The following C1orf94 variants were observed in gnomAD, a reference collection of about 807,000 sequenced individuals.
C1orf94 encodes the protein uncharacterized protein C1orf94.
In C1orf94, 45 loss-of-function variants were observed where a neutral mutation model predicts 53.6. The ratio of observed to expected loss-of-function variants is 0.84; its 90% CI spans 0.66 to 1.08. The LOEUF is 1.08. Among genes scored for constraint, C1orf94 ranks in the 50% least tolerant of loss-of-function variants. C1orf94 has a pLI of 0.00. For missense variants in C1orf94, 762 were observed against 738.9 expected (o/e 1.03, Z -0.36); for synonymous variants, 304 against 296.1 (o/e 1.03, Z -0.27).
At chr1:34,204,742 A>G (rs1245583122) in intron 4 of C1orf94, among the ~76,000 whole-genome samples, 1 of 152,156 alleles carries the variant, frequency 6.6e-6, no homozygotes, top group Non-Finnish European at 1.5e-5. Flanking sequence ...TTCAAAGATG[A>G]CTAAAGTCAG....
intron 6 of C1orf94, among the ~76,000 whole-genome samples, chr1:34,218,380 G>A (rs957237008): frequency 2.0e-5 from 3 of 152,140 alleles, no homozygotes; most frequent in African/African-American, 7.2e-5. Flanking sequence ...TCCAGAGAGG[G>A]TCCCTGTTCT....
At chr1:34,184,988 T>C (rs941199655) in intron 1 of C1orf94, among the ~76,000 whole-genome samples, 4 of 152,154 alleles carry the variant, frequency 2.6e-5, no homozygotes, top group South Asian at 2.1e-4. Flanking sequence ...TTTTCTCCTC[T>C]TGGAGGGGTC....
upstream of C1orf94, among the ~76,000 whole-genome samples, chr1:34,172,372 T>C (rs1440444330): frequency 1.3e-5 from 2 of 152,246 alleles, no homozygotes; most frequent in African/African-American, 4.8e-5. Context: ...ATAATCATAA[T>C]TACACATTTC....
intron 1 of C1orf94, among the ~76,000 whole-genome samples, chr1:34,191,604 C>A (rs1308593629): frequency 6.6e-6 from 1 of 152,186 alleles, no homozygotes; most frequent in Non-Finnish European, 1.5e-5. Context: ...GACCCCAGAG[C>A]CCTCCACTTC....
At chr1:34,168,576 T>TG (rs1330683332) in intron 1 of C1orf94, among the ~76,000 whole-genome samples, 3 of 152,192 alleles carry the variant, frequency 2.0e-5, no homozygotes, top group Non-Finnish European at 2.9e-5. Context: ...ATAGACCCTG[T>TG]GGCTTAAAAA....
chr1:34,188,527 C>G (rs1642423695), intron 1 of C1orf94, among the ~76,000 whole-genome samples: 1 of 152,082 alleles, frequency 6.6e-6, no homozygotes, highest in African/African-American at 2.4e-5. Flanking sequence ...CCGTGATTCC[C>G]CTAATTGTAT....
intron 6 of C1orf94, among the ~76,000 whole-genome samples, chr1:34,216,752 T>G (rs1373372726): frequency 1.3e-5 from 2 of 152,166 alleles, no homozygotes; most frequent in Admixed American, 1.3e-4. Context: ...TTCCAAGCAA[T>G]AATAAATTTG....
In C1orf94 at chr1:34,202,275, T is replaced by C; in HGVS notation, c.1446+16T>C. The C allele has an allele frequency of 3.1e-6, 5 of 1,612,558 alleles. No homozygotes were observed. The highest frequency in any genetic ancestry group is 4.2e-6 in the Non-Finnish European group (5 of 1,179,250). On this transcript the variant is annotated intron_variant, in intron 4 of 6. Coordinates refer to ENST00000488417, the MANE Select transcript of C1orf94 (RefSeq NM_001134734.2). ...GCAGTATCAGGTCAGTGAGCTGGCC[T>C]GGCTCTCCTGTGGACATCCACGGGG...
chr1:34,217,109 C>A (rs1435858381), intron 6 of C1orf94, among the ~76,000 whole-genome samples: 1 of 152,020 alleles, frequency 6.6e-6, no homozygotes, highest in Non-Finnish European at 1.5e-5. Flanking sequence ...ATAATTATAC[C>A]AGAAATACCA....
intron 1 of C1orf94, among the ~76,000 whole-genome samples, chr1:34,168,692 C>T (rs1271644568): frequency 2.0e-5 from 3 of 152,198 alleles, no homozygotes; most frequent in Non-Finnish European, 2.9e-5. Context: ...TAGATGGCTG[C>T]CTTCTTCTCC....
chr1:34,173,081 C>T (rs1000137817), upstream of C1orf94, among the ~76,000 whole-genome samples: 1 of 152,188 alleles, frequency 6.6e-6, no homozygotes, highest in African/African-American at 2.4e-5. Context: ...CAGAGTATAA[C>T]ATTATGTCAA....
Position 34,200,837 on chromosome 1 carries a change from C to T in C1orf94, c.1075C>T (p.Gln359Ter). The change falls in exon 3 of 7, where the codon CAG becomes TAG. Residue 359 changes from glutamine to a stop codon, truncating the protein, a stop_gained. Transcript: ENST00000488417. LOFTEE classifies it high-confidence loss of function. Reference protein sequence around the residue: ...QGSLFLSQWPQSQKDACGEEG... With the variant: ...QGSLFLSQWP ...GAGCCTCTTTCTCAGCCAGTGGCCC[C>T]AGAGCCAGAAGGACGCCTGTGGTGA... 1 of 1,614,170 alleles carries T rather than the reference C, an allele frequency of 6.2e-7. No individual in the cohort carries two copies. The highest frequency in any genetic ancestry group is 8.5e-7 in the Non-Finnish European group (1 of 1,180,028).
At chr1:34,216,806 C>T (rs143868920) in intron 6 of C1orf94, among the ~76,000 whole-genome samples, 5 of 152,282 alleles carry the variant, frequency 3.3e-5, no homozygotes, top group Non-Finnish European at 7.4e-5. Flanking sequence ...AGGCCAGACA[C>T]GGTGGCTCAC....
chr1:34,174,950 T>C (rs1324562295), upstream of C1orf94, among the ~76,000 whole-genome samples: 1 of 152,224 alleles, frequency 6.6e-6, no homozygotes, highest in Non-Finnish European at 1.5e-5. Flanking sequence ...ACTAGCCATA[T>C]GTGGCTACTG....
intron 1 of C1orf94, among the ~76,000 whole-genome samples, chr1:34,193,852 A>G (rs530900379): frequency 4.7e-4 from 71 of 152,388 alleles, no homozygotes; most frequent in Admixed American, 7.2e-4. Context: ...TTTCAAGGGC[A>G]CGTAGCAGGG....
chr1:34,209,092 G>A (rs1030850588), intron 5 of C1orf94, among the ~76,000 whole-genome samples: 2 of 152,098 alleles, frequency 1.3e-5, no homozygotes, highest in Admixed American at 6.5e-5. Context: ...GAACGTAACT[G>A]GGTGTCCTGT....
intron 1 of C1orf94, among the ~76,000 whole-genome samples, chr1:34,179,550 C>A (rs997687298): frequency 6.6e-6 from 1 of 152,230 alleles, no homozygotes; most frequent in African/African-American, 2.4e-5. Context: ...ACTGGTGCAC[C>A]TTTGGCCAGC....
At chr1:34,184,665 C>T (rs1180685050) in intron 1 of C1orf94, among the ~76,000 whole-genome samples, 1 of 152,162 alleles carries the variant, frequency 6.6e-6, no homozygotes, top group African/African-American at 2.4e-5. Context: ...TTCCATTGGC[C>T]AGTTCTCCAC....
Position 34,178,105 on chromosome 1 carries a change from G to A in C1orf94, c.316G>A (p.Glu106Lys), listed in dbSNP as rs1642257968. 3.2e-6 allele frequency: 5 copies of A among 1,551,148 alleles called. No individual in the cohort carries two copies. The highest frequency in any genetic ancestry group is 4.4e-6 in the Non-Finnish European group (5 of 1,146,680). ...AAGAGGCAATGAGCTCAGCTTTCAA[G>A]AAGAGTAAGTACCCCCCTACTCCAT... ...TLRGNELSFQ[E>K]EALELSSGKD... Residue 106 changes from glutamate (E) to lysine (K), a missense_variant, in exon 1 of 7, where the codon GAA becomes AAA. By Grantham distance (56) the Glu-to-Lys change is moderately conservative (BLOSUM62 1). Coordinates refer to ENST00000488417, the MANE Select transcript of C1orf94 (RefSeq NM_001134734.2).
Sources: gnomAD v4.1 joint callset for allele counts (sites outside exome capture counted in the v4.1 genomes callset) on GRCh38, gnomAD v4.1.1 for gene constraint, MANE v1.5 for transcripts, NCBI Gene and HGNC (gene_info 2026-07-23, HGNC 2026-07-21) for gene names.